Variants in ARHGEF28 observed in about 807,000 individuals in gnomAD.
The protein encoded by ARHGEF28 is Rho guanine nucleotide exchange factor 28, also known as 190 kDa guanine nucleotide exchange factor.
In ARHGEF28, 152 loss-of-function variants were observed where a neutral mutation model predicts 206.6. That is an observed-to-expected ratio of 0.74 (90% CI 0.64 to 0.84). The LOEUF (loss-of-function observed/expected upper bound fraction) is 0.84, where lower values mean the gene tolerates loss of function less well. Among genes scored for constraint, ARHGEF28 ranks in the 40% least tolerant of loss-of-function variants. ARHGEF28 has a pLI of 0.00. For missense variants in ARHGEF28, 2,028 were observed against 2,073.2 expected (o/e 0.98, Z 0.42); for synonymous variants, 763 against 776.4 (o/e 0.98, Z 0.29).
intron 31 of ARHGEF28, chr5:73,902,500 C>G (rs1168099821): frequency 6.6e-6 from 1 of 152,116 alleles, no homozygotes; most frequent in Admixed American, 6.5e-5. Flanking sequence ...TTGGATTAAG[C>G]TATCTGCAAA....
At chr5:73,816,168 C>G (rs1756196979) in intron 9 of ARHGEF28, among the ~76,000 whole-genome samples, 2 of 152,106 alleles carry the variant, frequency 1.3e-5, no homozygotes, top group Admixed American at 6.6e-5. Context: ...ATGACCCTCA[C>G]AGATGCTGTC....
intron 2 of ARHGEF28, among the ~76,000 whole-genome samples, chr5:73,691,774 C>T (rs971749045): frequency 2.6e-5 from 4 of 152,206 alleles, no homozygotes; most frequent in Non-Finnish European, 5.9e-5. Flanking sequence ...CAAACTCACT[C>T]TAATTAATGA....
At chr5:73,726,343 G>C (rs1439183311) in intron 2 of ARHGEF28, among the ~76,000 whole-genome samples, 2 of 152,158 alleles carry the variant, frequency 1.3e-5, no homozygotes, top group African/African-American at 4.8e-5. Flanking sequence ...CCAGTTTGCT[G>C]TCTTGTTTAC....
chr5:73,848,185 G>A (rs6897754), intron 12 of ARHGEF28, among the ~76,000 whole-genome samples: 18,414 of 152,156 alleles, frequency 0.12, 1,514 homozygotes, highest in African/African-American at 0.22. Context: ...AATGGCTTCA[G>A]TGGAGTTCTA....
At chr5:73,685,479 T>C (rs1747404185) in intron 2 of ARHGEF28, among the ~76,000 whole-genome samples, 1 of 152,118 alleles carries the variant, frequency 6.6e-6, no homozygotes, top group Admixed American at 6.5e-5. Flanking sequence ...TCCTTCCTTC[T>C]GATTTCAGAC....
intron 9 of ARHGEF28, among the ~76,000 whole-genome samples, chr5:73,810,781 G>A (rs553405899): frequency 1.8e-4 from 28 of 152,108 alleles, no homozygotes; most frequent in Non-Finnish European, 7.4e-5. Flanking sequence ...TTCTGCCCCC[G>A]ATTCTGCTTT....
chr5:73,887,459 A>AATAGATAT, intron 25 of ARHGEF28, 144 bp from the exon 26 acceptor site: 1 of 602,290 alleles, frequency 1.7e-6, no homozygotes, highest in South Asian at 2.6e-5. Context: ...TTAAGTTATT[A>AATAGATAT]ATAGCATATA....
At chr5:73,694,500 A>G (rs748475852) in intron 2 of ARHGEF28, among the ~76,000 whole-genome samples, 7 of 152,212 alleles carry the variant, frequency 4.6e-5, no homozygotes, top group Non-Finnish European at 7.3e-5. Context: ...CCATCTAAGT[A>G]AGGATTTTAG....
At chr5:73,844,061 C>G (rs1004917339) in intron 11 of ARHGEF28, among the ~76,000 whole-genome samples, 1 of 152,060 alleles carries the variant, frequency 6.6e-6, no homozygotes, top group Non-Finnish European at 1.5e-5. Context: ...AAAATAATAT[C>G]GTAAAACAAG....
intron 35 of ARHGEF28, among the ~76,000 whole-genome samples, chr5:73,930,453 G>A (rs891252094): frequency 1.4e-4 from 21 of 152,182 alleles, no homozygotes; most frequent in African/African-American, 5.1e-4. Flanking sequence ...AGTTTCAAAT[G>A]TGTTCACTCT....
intron 9 of ARHGEF28, among the ~76,000 whole-genome samples, chr5:73,812,883 A>T (rs1254845376): frequency 6.6e-6 from 1 of 152,218 alleles, no homozygotes; most frequent in South Asian, 2.1e-4. Flanking sequence ...CAATCTATAT[A>T]AAAGTTAAAA....
intron 35 of ARHGEF28, among the ~76,000 whole-genome samples, chr5:73,940,120 C>T (rs1742504209): frequency 6.6e-6 from 1 of 152,168 alleles, no homozygotes; most frequent in African/African-American, 2.4e-5. Context: ...AAATGGTTTG[C>T]AGCAAGTGTC....
intron 9 of ARHGEF28, among the ~76,000 whole-genome samples, chr5:73,806,307 T>C (rs1329057614): frequency 7.5e-6 from 1 of 133,758 alleles, no homozygotes; most frequent in Non-Finnish European, 1.6e-5. Context: ...GTATAGTATA[T>C]ATAGTATATA....
At chr5:73,737,055 G>A (rs755198939) in intron 2 of ARHGEF28, among the ~76,000 whole-genome samples, 4 of 152,202 alleles carry the variant, frequency 2.6e-5, no homozygotes, top group Non-Finnish European at 5.9e-5. Flanking sequence ...TGTGCCATTA[G>A]TAGGATGTGA....
chr5:73,785,820 C>T (rs537929926), intron 7 of ARHGEF28, among the ~76,000 whole-genome samples: 4 of 152,066 alleles, frequency 2.6e-5, no homozygotes, highest in Non-Finnish European at 4.4e-5. Flanking sequence ...GTTACAATCA[C>T]CAAGAAGAGA....
At chr5:73,894,903 G>T (rs990148941) in intron 29 of ARHGEF28, among the ~76,000 whole-genome samples, 4 of 152,076 alleles carry the variant, frequency 2.6e-5, no homozygotes, top group African/African-American at 9.7e-5. Context: ...AAGCTAAGTG[G>T]TATCTTGAGG....
At chr5:73,753,322 C>A in intron 4 of ARHGEF28, 120 bp downstream of exon 4, 1 of 1,121,484 alleles carries the variant, frequency 8.9e-7, no homozygotes, top group Non-Finnish European at 1.2e-6. Flanking sequence ...CTGAACCTTG[C>A]TCTGATGTGG....
intron 7 of ARHGEF28, among the ~76,000 whole-genome samples, chr5:73,792,642 CTTTTT>C (rs397943639): frequency 8.2e-6 from 1 of 122,062 alleles, no homozygotes; most frequent in Admixed American, 8.5e-5. Context: ...TCCTTCCCTT[CTTTTT>C]TTTTTTTTTT....
At chr5:73,862,405 G>A (rs920887695) in intron 16 of ARHGEF28, among the ~76,000 whole-genome samples, 1 of 152,182 alleles carries the variant, frequency 6.6e-6, no homozygotes, top group Non-Finnish European at 1.5e-5. Flanking sequence ...TTAGCTAGAA[G>A]TAATCTGTAA....
Sources: gnomAD v4.1 joint callset for allele counts (sites outside exome capture counted in the v4.1 genomes callset) on GRCh38, gnomAD v4.1.1 for gene constraint, MANE v1.5 for transcripts, NCBI Gene and HGNC (gene_info 2026-07-23, HGNC 2026-07-21) for gene names.